Variants in GLIS3 observed in about 807,000 individuals in gnomAD.
The protein encoded by GLIS3 is GLIS family zinc finger 3, also known as zinc finger protein GLIS3.
GLIS3 carries 53 observed loss-of-function variants against 78.6 expected under a neutral mutation model. That is an observed-to-expected ratio of 0.67 (90% CI 0.54 to 0.85). The LOEUF (loss-of-function observed/expected upper bound fraction) is 0.85. Ranked by LOEUF, GLIS3 falls within the 40% of genes least tolerant of loss-of-function variation. The pLI, the probability that GLIS3 is intolerant of heterozygous loss-of-function variation, is 0.00. For missense variants in GLIS3, 1,703 were observed against 1,231.1 expected (o/e 1.38, Z -5.74); for synonymous variants, 684 against 509.9 (o/e 1.34, Z -4.60).
chr9:4,193,607 C>A (rs898969002), intron 2 of GLIS3, among the ~76,000 whole-genome samples: 2 of 152,124 alleles, frequency 1.3e-5, no homozygotes, highest in Non-Finnish European at 2.9e-5. Context: ...ACATAGGGTA[C>A]AAAATCTGCA....
At chr9:4,079,943 C>G (rs1828412169) in intron 4 of GLIS3, among the ~76,000 whole-genome samples, 1 of 151,996 alleles carries the variant, frequency 6.6e-6, no homozygotes, top group Non-Finnish European at 1.5e-5. Context: ...TTAACAGACA[C>G]TTGTTGAAAA....
chr9:4,462,500 T>C, the GLIS3 span, among the ~76,000 whole-genome samples: 1 of 152,192 alleles, frequency 6.6e-6, no homozygotes, highest in Non-Finnish European at 1.5e-5. Context: ...CTCATGCCTG[T>C]AATCCCAGCA....
chr9:4,179,707 C>T lies in GLIS3; in HGVS notation c.389-53766G>A, dbSNP rs548968873. Among the ~76,000 whole-genome samples, 518 of 152,082 alleles carry T rather than the reference C, an allele frequency of 3.4e-3. 2 individuals carry two copies. Among genetic ancestry groups the T allele is most frequent in the African/African-American group, 0.012 (499 of 41,512 alleles). On this transcript the variant is annotated intron_variant, in intron 2 of 10. Coordinates refer to ENST00000381971, the MANE Select transcript of GLIS3 (RefSeq NM_001042413.2). Reference sequence around the variant, plus strand: ...GGCAGATCAGCTGAGGTTAGGAGTTCGAGACCAGCCTGGCCAACGTGGTGA... The same window carrying T: ...GGCAGATCAGCTGAGGTTAGGAGTTTGAGACCAGCCTGGCCAACGTGGTGA...
At chr9:4,266,525 C>T (rs548376646) in intron 2 of GLIS3, among the ~76,000 whole-genome samples, 15 of 152,176 alleles carry the variant, frequency 9.9e-5, no homozygotes, top group African/African-American at 3.6e-4. Context: ...TAAGGTACCA[C>T]TGGTTCTTAC....
chr9:4,099,198 A>G (rs1830180761), intron 4 of GLIS3, among the ~76,000 whole-genome samples: 1 of 152,226 alleles, frequency 6.6e-6, no homozygotes, highest in Non-Finnish European at 1.5e-5. Context: ...CAACCTTAAA[A>G]TAACAGAAAT....
chr9:4,253,878 G>T (rs1824651093), intron 2 of GLIS3, among the ~76,000 whole-genome samples: 1 of 152,144 alleles, frequency 6.6e-6, no homozygotes, highest in Non-Finnish European at 1.5e-5. Flanking sequence ...CTGACCCCTT[G>T]CACTTCCCGG....
chr9:3,953,562 T>C (rs1340608776), intron 4 of GLIS3, among the ~76,000 whole-genome samples: 1 of 152,324 alleles, frequency 6.6e-6, no homozygotes, highest in African/African-American at 2.4e-5. Flanking sequence ...ATAGATGTTT[T>C]CTGCAGGCAA....
At chr9:3,912,022 C>A (rs949577641) in intron 6 of GLIS3, among the ~76,000 whole-genome samples, 2 of 152,100 alleles carry the variant, frequency 1.3e-5, no homozygotes, top group East Asian at 3.8e-4. Flanking sequence ...CAAATAGATA[C>A]AGGTTCATAT....
At chr9:3,965,157 T>TTACCC (rs1817835586) in intron 4 of GLIS3, among the ~76,000 whole-genome samples, 1 of 151,090 alleles carries the variant, frequency 6.6e-6, no homozygotes, top group African/African-American at 2.4e-5. Context: ...GGAGTTTCCT[T>TTACCC]TACCCTACTT....
chr9:3,906,910 A>T (rs1823743315), intron 6 of GLIS3, among the ~76,000 whole-genome samples: 1 of 152,190 alleles, frequency 6.6e-6, no homozygotes, highest in Non-Finnish European at 1.5e-5. Flanking sequence ...CACGTAGCAT[A>T]CTATTCATTC....
At chr9:4,314,009 A>G (rs1266884511) in intron 2 of GLIS3, among the ~76,000 whole-genome samples, 1 of 152,234 alleles carries the variant, frequency 6.6e-6, no homozygotes. Flanking sequence ...ATGGCGTTAC[A>G]TAAAAATGTA....
chr9:4,063,563 A>G (rs1402106391), intron 4 of GLIS3, among the ~76,000 whole-genome samples: 5 of 152,210 alleles, frequency 3.3e-5, no homozygotes, highest in Admixed American at 6.5e-5. Context: ...ATGATTTAAA[A>G]AAAAAAAAAT....
chr9:4,053,705 T>TAAAAA (rs760535978), intron 4 of GLIS3, among the ~76,000 whole-genome samples: 23 of 91,148 alleles, frequency 2.5e-4, no homozygotes, highest in Middle Eastern at 8.3e-3. Context: ...TCTTTCTTCA[T>TAAAAA]AAAAAAAAAA....
At chr9:4,049,168 G>C (rs1398737105) in intron 4 of GLIS3, among the ~76,000 whole-genome samples, 1 of 152,174 alleles carries the variant, frequency 6.6e-6, no homozygotes, top group African/African-American at 2.4e-5. Context: ...CACCTGGATA[G>C]GAACTACTCC....
intron 2 of GLIS3, among the ~76,000 whole-genome samples, chr9:4,343,956 C>T (rs888325877): frequency 1.3e-5 from 2 of 152,132 alleles, no homozygotes; most frequent in Admixed American, 6.5e-5. Flanking sequence ...GAAAATCTAC[C>T]TATTAGGTAC....
chr9:4,458,008 A>C, the GLIS3 span, among the ~76,000 whole-genome samples: 1 of 152,138 alleles, frequency 6.6e-6, no homozygotes, highest in African/African-American at 2.4e-5. Flanking sequence ...GCTGTTCAAC[A>C]CAAAGCCCCA....
chr9:3,848,417 G>A (rs1819199037), intron 9 of GLIS3, among the ~76,000 whole-genome samples: 1 of 152,168 alleles, frequency 6.6e-6, no homozygotes, highest in African/African-American at 2.4e-5. Context: ...CAGGAGAATC[G>A]CTTGAATCCA....
At chr9:4,256,331 A>C (rs1824935785) in intron 2 of GLIS3, among the ~76,000 whole-genome samples, 1 of 152,216 alleles carries the variant, frequency 6.6e-6, no homozygotes, top group Admixed American at 6.5e-5. Flanking sequence ...TGAAAGGTTA[A>C]TGTTTTAATA....
At chr9:3,890,395 A>G (rs1171894553) in intron 7 of GLIS3, among the ~76,000 whole-genome samples, 1 of 152,174 alleles carries the variant, frequency 6.6e-6, no homozygotes. Context: ...ATTACTGACT[A>G]CCAAGTAGTA....
Sources: allele counts gnomAD v4.1 joint callset (sites outside exome capture counted in the v4.1 genomes callset), GRCh38; gene constraint gnomAD v4.1.1; transcripts MANE v1.5; gene names NCBI Gene and HGNC (gene_info 2026-07-23, HGNC 2026-07-21).